Variants in RBFOX3 observed in about 807,000 individuals in gnomAD.
The protein encoded by RBFOX3 is RNA binding protein fox-1 homolog 3.
In RBFOX3, 17 loss-of-function variants were observed where a neutral mutation model predicts 48.7. That is an observed-to-expected ratio of 0.35 (90% CI 0.24 to 0.52). RBFOX3 has a LOEUF of 0.52. Among genes scored for constraint, RBFOX3 ranks in the 20% least tolerant of loss-of-function variants. The pLI, the probability that RBFOX3 is intolerant of heterozygous loss-of-function variation, is 0.94. For missense variants in RBFOX3, 382 were observed against 497.5 expected (o/e 0.77, Z 2.21); for synonymous variants, 212 against 209.5 (o/e 1.01, Z -0.10).
At chr17:79,180,989 G>A (rs965986943) in intron 4 of RBFOX3, among the ~76,000 whole-genome samples, 8 of 152,146 alleles carry the variant, frequency 5.3e-5, no homozygotes, top group East Asian at 1.9e-4. Context: ...TGGAGAAATC[G>A]GGGTGTCTTC....
intron 3 of RBFOX3, among the ~76,000 whole-genome samples, chr17:79,290,923 A>C (rs1428645743): frequency 6.6e-6 from 1 of 152,088 alleles, no homozygotes; most frequent in African/African-American, 2.4e-5. Flanking sequence ...TGCTGGGGCG[A>C]GGGGCAGCTG....
At chr17:79,091,834 G>T in intron 14 of RBFOX3, 1 of 530,438 alleles carries the variant, frequency 1.9e-6, no homozygotes, top group Non-Finnish European at 2.4e-6. Context: ...ACCAGGACGT[G>T]CCTTTCCACA....
chr17:79,165,014 T>C (rs545918594), intron 4 of RBFOX3, among the ~76,000 whole-genome samples: 2 of 152,226 alleles, frequency 1.3e-5, no homozygotes, highest in African/African-American at 2.4e-5. Context: ...CTCATCTTTC[T>C]AGAGCCAGGA....
rs893174425 is a variant in RBFOX3 at position 79,479,473 on chromosome 17, C to T, written c.-175+2981G>A. ...AGGGGCTTCCTCTCAGAGGGGCTTC[C>T]TTCTCTCCCCTTGACCTCACCCTTT... On this transcript the variant is annotated intron_variant, in intron 2 of 14. Transcript: ENST00000693108. This position sits in a 1 kb window ranked among gnomAD's most constrained non-coding sequence, Gnocchi z 5.1. 2.0e-5 allele frequency among the ~76,000 whole-genome samples: 3 copies of T among 152,200 alleles called. No individual in the cohort carries two copies. The highest frequency in any genetic ancestry group is 7.2e-5 in the African/African-American group (3 of 41,464).
intron 4 of RBFOX3, among the ~76,000 whole-genome samples, chr17:79,147,275 C>T (rs530734507): frequency 4.7e-4 from 71 of 152,382 alleles, no homozygotes; most frequent in African/African-American, 1.6e-3. Flanking sequence ...CAGTGCCCAC[C>T]TCTGCAGGTG....
chr17:79,602,787 G>A (rs2093735466), intron 1 of RBFOX3, among the ~76,000 whole-genome samples: 1 of 152,164 alleles, frequency 6.6e-6, no homozygotes, highest in East Asian at 1.9e-4. Flanking sequence ...AGCCTGCGCG[G>A]TAAGCGATGT....
At chr17:79,389,195 G>A (rs561805522) in intron 2 of RBFOX3, among the ~76,000 whole-genome samples, 64 of 152,318 alleles carry the variant, frequency 4.2e-4, no homozygotes, top group African/African-American at 1.4e-3. Flanking sequence ...TCTTCCAGGA[G>A]AGCACTAACC....
intron 2 of RBFOX3, among the ~76,000 whole-genome samples, chr17:79,449,739 T>TG (rs2073103343): frequency 6.6e-6 from 1 of 151,882 alleles, no homozygotes; most frequent in Non-Finnish European, 1.5e-5. Flanking sequence ...ACCCCAGCTC[T>TG]GGGGGCGCAC....
At chr17:79,572,902 A>G (rs1027633440) in intron 1 of RBFOX3, among the ~76,000 whole-genome samples, 5,023 of 152,176 alleles carry the variant, frequency 0.033, 290 homozygotes, top group African/African-American at 0.11. Flanking sequence ...GGCTTGCCAA[A>G]TTTGGCAGAT....
chr17:79,369,367 C>T (rs59564053), intron 2 of RBFOX3, among the ~76,000 whole-genome samples: 2,247 of 150,522 alleles, frequency 0.015, 76 homozygotes, highest in African/African-American at 0.051. Flanking sequence ...GAGGGGTTGC[C>T]CTGGACCCTG....
At chr17:79,512,091 A>G (rs1486233789) in intron 1 of RBFOX3, among the ~76,000 whole-genome samples, 231 of 69,576 alleles carry the variant, frequency 3.3e-3, no homozygotes, top group South Asian at 5.3e-3. Flanking sequence ...ATTACCATCG[A>G]GTACAGCCCC....
intron 1 of RBFOX3, among the ~76,000 whole-genome samples, chr17:79,565,749 C>T (rs1346554838): frequency 6.6e-6 from 1 of 152,108 alleles, no homozygotes; most frequent in Non-Finnish European, 1.5e-5. Flanking sequence ...CTGGCAGTGC[C>T]CTATCTGAGA....
the RBFOX3 span, among the ~76,000 whole-genome samples, chr17:79,630,301 G>A: frequency 3.7e-4 from 57 of 152,224 alleles, no homozygotes; most frequent in Middle Eastern, 3.2e-3. Context: ...CAGCACCTCC[G>A]TGCCCAGACT....
chr17:79,647,267 C>G, the RBFOX3 span, among the ~76,000 whole-genome samples: 3 of 152,144 alleles, frequency 2.0e-5, no homozygotes, highest in Admixed American at 6.5e-5. Flanking sequence ...CTGACACATC[C>G]ATGGGAATGG....
intron 2 of RBFOX3, among the ~76,000 whole-genome samples, chr17:79,349,331 C>A (rs1160223760): frequency 6.6e-6 from 1 of 152,138 alleles, no homozygotes; most frequent in Non-Finnish European, 1.5e-5. Flanking sequence ...GCCCACTCAG[C>A]CACACAGCCT....
intron 1 of RBFOX3, among the ~76,000 whole-genome samples, chr17:79,574,751 A>G (rs1466292799): frequency 6.6e-6 from 1 of 152,164 alleles, no homozygotes; most frequent in Non-Finnish European, 1.5e-5. Context: ...AAAAAGAAAA[A>G]AGGCTTCACA....
At chr17:79,458,741 G>A (rs1555746808) in intron 2 of RBFOX3, among the ~76,000 whole-genome samples, 2 of 152,084 alleles carry the variant, frequency 1.3e-5, no homozygotes, top group East Asian at 1.9e-4. Context: ...CCTGGTGTCC[G>A]GGGACTCTGG....
chr17:79,590,710 T>C (rs2093391563), intron 1 of RBFOX3, among the ~76,000 whole-genome samples: 6 of 152,130 alleles, frequency 3.9e-5, no homozygotes, highest in African/African-American at 1.4e-4. Context: ...AGACCAGACC[T>C]CTTCCCCTGC....
intron 6 of RBFOX3, among the ~76,000 whole-genome samples, chr17:79,106,210 C>T (rs952332263): frequency 3.3e-5 from 5 of 152,124 alleles, no homozygotes; most frequent in Non-Finnish European, 5.9e-5. Flanking sequence ...GGGGCTGCTG[C>T]TCTATGGGAG....
Sources: allele counts gnomAD v4.1 joint callset (sites outside exome capture counted in the v4.1 genomes callset), GRCh38; gene constraint gnomAD v4.1.1; non-coding constraint Gnocchi (gnomAD v3.1); transcripts MANE v1.5; gene names NCBI Gene and HGNC (gene_info 2026-07-23, HGNC 2026-07-21).